The following YAP1 variants were observed in gnomAD, a reference collection of about 807,000 sequenced individuals.
The protein encoded by YAP1 is Yes1 associated transcriptional regulator, also known as transcriptional coactivator YAP1.
YAP1 carries 5 observed loss-of-function variants against 56.9 expected under a neutral mutation model. The ratio of observed to expected loss-of-function variants is 0.09; its 90% CI spans 0.05 to 0.18. The LOEUF is 0.18. Ranked by LOEUF, YAP1 falls within the 10% of genes least tolerant of loss-of-function variation. The pLI, the probability that YAP1 is intolerant of heterozygous loss-of-function variation, is 1.00. For synonymous variants in YAP1, 265 were observed against 248.1 expected (o/e 1.07, Z -0.64); for missense variants, 539 against 651.8 (o/e 0.83, Z 1.88).
At chr11:102,228,985 C>T (rs143871295) in intron 8 of YAP1, among the ~76,000 whole-genome samples, 1 of 152,314 alleles carries the variant, frequency 6.6e-6, no homozygotes, top group African/African-American at 2.4e-5. Flanking sequence ...ACCCATTTCA[C>T]ACACAACACC....
intron 6 of YAP1, among the ~76,000 whole-genome samples, chr11:102,212,339 T>G (rs1327088876): frequency 6.6e-6 from 1 of 152,310 alleles, no homozygotes; most frequent in Admixed American, 6.5e-5. Context: ...TAACATATCA[T>G]GTGGCTGTTG....
At chr11:102,224,569 C>T (rs995898185) in intron 7 of YAP1, among the ~76,000 whole-genome samples, 5 of 152,176 alleles carry the variant, frequency 3.3e-5, no homozygotes, top group Admixed American at 1.3e-4. Context: ...AACTATTACA[C>T]CACCTTTTCA....
chr11:102,184,275 T>C (rs763466000), intron 3 of YAP1, among the ~76,000 whole-genome samples: 2 of 152,208 alleles, frequency 1.3e-5, no homozygotes, highest in Non-Finnish European at 2.9e-5. Flanking sequence ...CAGTTAAAGA[T>C]AGTAGCAAAC....
At chr11:102,198,608 C>T (rs1034394829) in intron 4 of YAP1, among the ~76,000 whole-genome samples, 1 of 152,064 alleles carries the variant, frequency 6.6e-6, no homozygotes, top group Non-Finnish European at 1.5e-5. Flanking sequence ...TACTAATGGG[C>T]TATTTTCTAG....
chr11:102,221,402 A>C (rs73585816), intron 6 of YAP1, among the ~76,000 whole-genome samples: 3,655 of 152,262 alleles, frequency 0.024, 156 homozygotes, highest in African/African-American at 0.084. Flanking sequence ...AACTTGTGAT[A>C]TAACGTGCTT....
rs751053364 is a variant in YAP1, at chr11:102,186,180, T to G, written c.802+49T>G. On this transcript the variant is annotated intron_variant, in intron 4 of 8. Transcript: ENST00000282441. Reference sequence around the variant, plus strand: ...TTTAGATGCTTTTGGTTGCTAATTTTTTTTGTAAATATACTTCGGAAAGCA... The same window carrying G: ...TTTAGATGCTTTTGGTTGCTAATTTGTTTTGTAAATATACTTCGGAAAGCA... 3 of 1,583,994 alleles carry G rather than the reference T, an allele frequency of 1.9e-6. No individual in the cohort carries two copies. In the African/African-American group the frequency reaches 4.1e-5, roughly 22 times the overall value.
intron 2 of YAP1, among the ~76,000 whole-genome samples, chr11:102,149,273 T>G (rs374231005): frequency 1.3e-5 from 2 of 152,194 alleles, no homozygotes; most frequent in African/African-American, 4.8e-5. Context: ...AGGCATGTTT[T>G]GGAGCCAGGC....
chr11:102,162,477 A>G lies in YAP1; in HGVS notation c.594A>G (p.Thr198=). ...YFLNHIDQTT[T]WQDPRKAMLS... is the part of the protein sequence containing the mutation. ...TTAGTCACATCGATCAGACAACAAC[A>G]TGGCAGGACCCCAGGAAGGCCATGC... The change falls in exon 3 of 9, where the codon ACA becomes ACG. Residue 198 remains threonine (T), a synonymous_variant. Transcript: ENST00000282441. 1.9e-6 allele frequency: 3 copies of G among 1,614,188 alleles called. No individual in the cohort carries two copies. The highest frequency in any genetic ancestry group is 1.1e-5 in the South Asian group (1 of 91,076).
At chr11:102,165,808 C>T (rs181883485) in intron 3 of YAP1, among the ~76,000 whole-genome samples, 8 of 152,214 alleles carry the variant, frequency 5.3e-5, no homozygotes, top group African/African-American at 9.6e-5. Context: ...GCGAAGCCTC[C>T]GATAAAGCAG....
chr11:102,230,599 C>T lies in YAP1; in HGVS notation c.*659C>T, dbSNP rs1286843864. 4 of 152,498 alleles carry T rather than the reference C, an allele frequency of 2.6e-5. No individual in the cohort carries two copies. Among genetic ancestry groups the T allele is most frequent in the Admixed American group, 1.3e-4 (2 of 15,264 alleles). 9.4% of individuals were successfully genotyped at this position (152,498 alleles called of 1,614,324 possible). ...TAAATATATTAATTATTGCCACATA[C>T]TCTAATATAGATTTTGGTGGATAAT... On this transcript the variant is annotated 3_prime_UTR_variant, in exon 9 of 9. Transcript: ENST00000282441.
chr11:102,201,807 A>G (rs1157927697), intron 4 of YAP1, among the ~76,000 whole-genome samples: 1 of 152,190 alleles, frequency 6.6e-6, no homozygotes, highest in African/African-American at 2.4e-5. Context: ...GTTACAAAAA[A>G]GCAACAGAAT....
intron 6 of YAP1, among the ~76,000 whole-genome samples, chr11:102,213,223 G>A (rs1032290654): frequency 6.6e-6 from 1 of 152,164 alleles, no homozygotes; most frequent in African/African-American, 2.4e-5. Context: ...GGTGGCTCAC[G>A]CTTGTAATCC....
intron 2 of YAP1, among the ~76,000 whole-genome samples, chr11:102,125,423 C>G (rs1219455802): frequency 6.8e-6 from 1 of 146,312 alleles, no homozygotes; most frequent in Admixed American, 7.0e-5. Context: ...GTTGCCCAGG[C>G]TGGAGTGCGG....
chr11:102,226,754 G>A (rs1441961878), intron 7 of YAP1, among the ~76,000 whole-genome samples: 3 of 151,970 alleles, frequency 2.0e-5, no homozygotes, highest in African/African-American at 7.3e-5. Context: ...TTTTTGTTTT[G>A]CTCTTTTCTT....
chr11:102,189,346 A>G (rs1948155584), intron 4 of YAP1, among the ~76,000 whole-genome samples: 1 of 152,198 alleles, frequency 6.6e-6, no homozygotes, highest in South Asian at 2.1e-4. Flanking sequence ...TCAGAATGAA[A>G]AAAGATCTTT....
chr11:102,139,427 T>C (rs1394206526), intron 2 of YAP1, among the ~76,000 whole-genome samples: 1 of 152,150 alleles, frequency 6.6e-6, no homozygotes, highest in Non-Finnish European at 1.5e-5. Context: ...CATCCTGCAG[T>C]CTGTGTGGAG....
intron 2 of YAP1, among the ~76,000 whole-genome samples, chr11:102,135,090 A>G (rs1022974187): frequency 1.3e-5 from 2 of 152,114 alleles, no homozygotes; most frequent in African/African-American, 4.8e-5. Flanking sequence ...GCTGGTCTTG[A>G]ACTCCTGACC....
At chr11:102,143,911 G>A (rs1945168494) in intron 2 of YAP1, among the ~76,000 whole-genome samples, 1 of 152,122 alleles carries the variant, frequency 6.6e-6, no homozygotes, top group Admixed American at 6.6e-5. Context: ...CCCACTTCTG[G>A]GAATGATAAG....
intron 2 of YAP1, among the ~76,000 whole-genome samples, chr11:102,125,066 T>C (rs1198200201): frequency 6.6e-6 from 1 of 151,844 alleles, no homozygotes; most frequent in Non-Finnish European, 1.5e-5. Context: ...AGACAAGGTC[T>C]TCCTCTGTTG....
Sources: allele counts gnomAD v4.1 joint callset (sites outside exome capture counted in the v4.1 genomes callset), GRCh38; gene constraint gnomAD v4.1.1; transcripts MANE v1.5; gene names NCBI Gene and HGNC (gene_info 2026-07-23, HGNC 2026-07-21).